The following APBB2 variants were observed in gnomAD, a reference collection of about 807,000 sequenced individuals.
The protein encoded by APBB2 is amyloid beta precursor protein binding family B member 2.
APBB2 carries 38 observed loss-of-function variants against 82.5 expected under a neutral mutation model. The ratio of observed to expected loss-of-function variants is 0.46; its 90% CI spans 0.36 to 0.60. APBB2 has a LOEUF of 0.60. Among genes scored for constraint, APBB2 ranks in the 20% least tolerant of loss-of-function variants. APBB2 has a pLI of 0.00. For missense variants in APBB2, 772 were observed against 972.3 expected, an observed-to-expected ratio of 0.79 and a Z score of 2.74; for synonymous variants, 341 against 368.2, an observed-to-expected ratio of 0.93 and a Z score of 0.85.
rs1383872504 is a variant in APBB2 at position 40,952,832 on chromosome 4, C to A, written c.836-7759G>T. ...AGTAACAGCAACAACTGCAAGGACA[C>A]TGACGCCACTAGGTGCTGTATCACG... On this transcript the variant is annotated intron_variant, in intron 6 of 17. Coordinates refer to ENST00000508593, the MANE Select transcript of APBB2 (RefSeq NM_004307.2). Among the ~76,000 whole-genome samples the A allele has an allele frequency of 9.2e-5, 14 of 152,230 alleles. No individual in the cohort carries two copies. The South Asian group carries it at 2.5e-3, about 27-fold the overall frequency.
Position 40,813,812 on chromosome 4 carries a change from T to C in APBB2, c.*2280A>G, listed in dbSNP as rs1744937911. ...TTTTGAAATTTATCACACTAAAATG[T>C]TTCACTACAGCGACCGAGATGAAAG... On this transcript the variant is annotated 3_prime_UTR_variant, in exon 18 of 18. Coordinates refer to ENST00000508593, the MANE Select transcript of APBB2 (RefSeq NM_004307.2). 6.6e-6 allele frequency: 1 copy of C among 152,192 alleles called. No individual in the cohort carries two copies. The highest frequency in any genetic ancestry group is 1.5e-5 in the Non-Finnish European group (1 of 68,042). The allele number at this position is 152,192 out of a possible 1,614,324, so 9.4% of individuals were successfully genotyped here.
chr4:41,168,162 G>C (rs181718905), intron 1 of APBB2, among the ~76,000 whole-genome samples: 2 of 151,454 alleles, frequency 1.3e-5, no homozygotes, highest in Non-Finnish European at 3.0e-5. Context: ...CCAGCTACTC[G>C]GGAGGCTGAG....
intron 1 of APBB2, among the ~76,000 whole-genome samples, chr4:41,143,630 A>C (rs1759843468): frequency 6.6e-6 from 1 of 152,204 alleles, no homozygotes; most frequent in Non-Finnish European, 1.5e-5. Flanking sequence ...ACATTACAGG[A>C]CTTCAAAGGG....
intron 6 of APBB2, among the ~76,000 whole-genome samples, chr4:40,957,567 C>T (rs1014707624): frequency 2.0e-5 from 3 of 146,812 alleles, no homozygotes; most frequent in Non-Finnish European, 3.0e-5. Flanking sequence ...GGGACTGCTT[C>T]TGCTCCACCT....
At chr4:41,205,904 C>T (rs772329861) in intron 1 of APBB2, among the ~76,000 whole-genome samples, 4 of 152,184 alleles carry the variant, frequency 2.6e-5, no homozygotes, top group Non-Finnish European at 5.9e-5. Context: ...TGTCATATGG[C>T]TATTAAATTG....
chr4:40,983,129 A>G (rs749177438), intron 6 of APBB2, among the ~76,000 whole-genome samples: 6 of 152,222 alleles, frequency 3.9e-5, no homozygotes, highest in Admixed American at 1.3e-4. Context: ...TACTCATTTA[A>G]TTCTCAAAAT....
At chr4:41,204,014 A>G (rs1207844176) in intron 1 of APBB2, among the ~76,000 whole-genome samples, 7 of 151,898 alleles carry the variant, frequency 4.6e-5, no homozygotes, top group Non-Finnish European at 7.4e-5. Flanking sequence ...CCACTTTCCC[A>G]CTTGCTGTGC....
chr4:40,849,630 C>T (rs1758673099), intron 12 of APBB2, among the ~76,000 whole-genome samples: 1 of 152,126 alleles, frequency 6.6e-6, no homozygotes, highest in Admixed American at 6.5e-5. Flanking sequence ...CAAAGCATTC[C>T]TCCCACCCCC....
rs1197560965 is a variant in APBB2 at position 40,826,050 on chromosome 4, G to C, written c.1733-80C>G. ...CAACAGCCGTGGCTCTGCATCATCT[G>C]AATGCTCAGGACACGCCCTGTGCCA... is the stretch of plus-strand genomic sequence containing the variant. On this transcript the variant is annotated intron_variant, in intron 14 of 17. Transcript: ENST00000508593. This position sits in a 1 kb window ranked among gnomAD's most constrained non-coding sequence, Gnocchi z 4.5. 6 of 1,044,620 alleles carry C rather than the reference G, an allele frequency of 5.7e-6. No individual in the cohort carries two copies. The highest frequency in any genetic ancestry group is 7.6e-6 in the Non-Finnish European group (5 of 661,620). The allele number at this position is 1,044,620 out of a possible 1,614,324, so 64.7% of individuals were successfully genotyped here.
At chr4:41,129,149 A>C (rs1383385503) in intron 2 of APBB2, among the ~76,000 whole-genome samples, 1 of 152,132 alleles carries the variant, frequency 6.6e-6, no homozygotes, top group Non-Finnish European at 1.5e-5. Flanking sequence ...CTAGAAGATG[A>C]AACCCATAAA....
chr4:41,063,743 A>G (rs1730647408), intron 4 of APBB2, among the ~76,000 whole-genome samples: 1 of 152,050 alleles, frequency 6.6e-6, no homozygotes, highest in South Asian at 2.1e-4. Flanking sequence ...CAGTGGTGCA[A>G]TCTCAGCTCA....
chr4:41,183,452 G>A (rs1387259485), intron 1 of APBB2, among the ~76,000 whole-genome samples: 1 of 152,172 alleles, frequency 6.6e-6, no homozygotes, highest in Non-Finnish European at 1.5e-5. Context: ...TAATGTCATT[G>A]CAGATGTAAT....
rs1250167232 is a variant in APBB2 at position 40,826,666 on chromosome 4, C to T, written c.1732+466G>A. 1 of 157,820 alleles carries T rather than the reference C, an allele frequency of 6.3e-6. No individual in the cohort carries two copies. Among genetic ancestry groups the T allele is most frequent in the African/African-American group, 2.4e-5 (1 of 41,322 alleles). The allele number at this position is 157,820 out of a possible 1,614,324, so 9.8% of individuals were successfully genotyped here. On this transcript the variant is annotated intron_variant, in intron 14 of 17. Transcript: ENST00000508593. This position sits in a 1 kb window ranked among gnomAD's most constrained non-coding sequence, Gnocchi z 4.5. ...CATGTTTTCTTTTTTTAAGATTAGT[C>T]AAGTATAGTAGTGGGAAGGGGAGAA...
At chr4:41,151,355 T>A (rs547474333) in intron 1 of APBB2, among the ~76,000 whole-genome samples, 1 of 152,332 alleles carries the variant, frequency 6.6e-6, no homozygotes, top group East Asian at 1.9e-4. Context: ...TTCAATACAA[T>A]AGCCACTAGG....
At chr4:40,966,902 A>C (rs1578819728) in intron 6 of APBB2, among the ~76,000 whole-genome samples, 1 of 152,084 alleles carries the variant, frequency 6.6e-6, no homozygotes, top group Admixed American at 6.5e-5. Flanking sequence ...GTGAAACCGC[A>C]CCTTCAGGCC....
rs199646319 is a variant in APBB2 at position 40,859,772 on chromosome 4, C to A, written c.1530-29195G>T. Among the ~76,000 whole-genome samples the A allele has an allele frequency of 2.0e-5, 3 of 152,204 alleles. No homozygotes were observed. In the East Asian group the frequency reaches 5.8e-4, roughly 29 times the overall value. ...CTGCTTCTATCTCCAATGCTGCAAC[C>A]ACATTCCCTCCTCTTTGTCTCTGCT... On this transcript the variant is annotated intron_variant, in intron 12 of 17. Coordinates refer to ENST00000508593, the MANE Select transcript of APBB2 (RefSeq NM_004307.2).
chr4:41,093,727 G>A lies in APBB2; in HGVS notation c.-149+6912C>T, dbSNP rs867038370. On this transcript the variant is annotated intron_variant, in intron 3 of 17. Coordinates refer to ENST00000508593, the MANE Select transcript of APBB2 (RefSeq NM_004307.2). ...AAATTAGCTGGGCGTGGTGGCGCAC[G>A]CCTGTAATCCCAGCTACTTGGGAGC... is the stretch of plus-strand genomic sequence containing the variant. Among the ~76,000 whole-genome samples the A allele has an allele frequency of 5.9e-5, 9 of 152,232 alleles. No homozygotes were observed. In the South Asian group the frequency reaches 1.0e-3, roughly 18 times the overall value.
chr4:41,014,375 C>A lies in APBB2; in HGVS notation c.43G>T (p.Ala15Ser). The change falls in exon 6 of 18, where the codon GCA (alanine) becomes TCA (serine). Residue 15 changes from alanine to serine, a missense_variant. By Grantham distance (99) the Ala-to-Ser change is moderately conservative. Transcript: ENST00000508593. ...GTTCCGCTGCTGGCCATAAACACTG[C>A]CAAGGTGTCAACACCTGAGTCAGCT... is the stretch of plus-strand genomic sequence containing the variant. ...LPADSGVDTL[A>S]VFMASSGTTD... 4 of 1,614,030 alleles carry A rather than the reference C, an allele frequency of 2.5e-6. No homozygotes were observed. Among genetic ancestry groups the A allele is most frequent in the Non-Finnish European group, 3.4e-6 (4 of 1,179,998 alleles).
At chr4:41,124,268 G>A (rs1753749244) in intron 2 of APBB2, among the ~76,000 whole-genome samples, 1 of 151,970 alleles carries the variant, frequency 6.6e-6, no homozygotes, top group East Asian at 1.9e-4. Flanking sequence ...GCCCAGGCTG[G>A]AGTGCAGTGG....
Sources: allele counts gnomAD v4.1 joint callset (sites outside exome capture counted in the v4.1 genomes callset), GRCh38; gene constraint gnomAD v4.1.1; non-coding constraint Gnocchi (gnomAD v3.1); transcripts MANE v1.5; gene names NCBI Gene and HGNC (gene_info 2026-07-23, HGNC 2026-07-21).